The following MLXIPL variants were observed in gnomAD, a reference collection of about 807,000 sequenced individuals.
The protein encoded by MLXIPL is MLX interacting protein like, also known as carbohydrate-responsive element-binding protein.
In MLXIPL, 49 loss-of-function variants were observed where a neutral mutation model predicts 81.5. The ratio of observed to expected loss-of-function variants is 0.60; its 90% confidence interval spans 0.48 to 0.76. The LOEUF (loss-of-function observed/expected upper bound fraction) is 0.76, where lower values mean the gene tolerates loss of function less well. Among genes scored for constraint, MLXIPL ranks in the 30% least tolerant of loss-of-function variants. The pLI is 0.00. For missense variants in MLXIPL, 1,053 were observed against 1,167.0 expected, an observed-to-expected ratio of 0.90 and a Z score of 1.42; for synonymous variants, 466 against 485.5, an observed-to-expected ratio of 0.96 and a Z score of 0.53.
chr7:73,620,140 A>G (rs1314697171), intron 1 of MLXIPL, among the ~76,000 whole-genome samples: 1 of 151,846 alleles, frequency 6.6e-6, no homozygotes, highest in Non-Finnish European at 1.5e-5. Flanking sequence ...GCGGTGGCTC[A>G]CGTCTATAAT....
At position 73,596,350 on chromosome 7, in the gene MLXIPL, G is replaced by T; in HGVS notation, c.1938+14C>A. 1 of 1,613,228 alleles carries T rather than the reference G, an allele frequency of 6.2e-7. No homozygotes were observed. The highest frequency in any genetic ancestry group is 8.5e-7 in the Non-Finnish European group (1 of 1,179,922). On this transcript the variant is annotated intron_variant, in intron 12 of 16. Coordinates refer to ENST00000313375, the MANE Select transcript of MLXIPL (RefSeq NM_032951.3). The surrounding 1 kb of genome is among the most constrained non-coding windows in gnomAD (Gnocchi z 4.7). ...GGGTAGCAAACCGATCTTGGGGTGG[G>T]GGATGGTGCCCACCTTGTTGCTGTC...
At chr7:73,607,565 G>GGCAGGTGT (rs1563496675) in intron 3 of MLXIPL, 25 bp downstream of exon 3, 4 of 1,610,256 alleles carry the variant, frequency 2.5e-6, no homozygotes, top group Non-Finnish European at 3.4e-6. Context: ...TGGGCAGGTG[G>GGCAGGTGT]GCAGGCGGTC....
rs113422833 is a variant in MLXIPL at position 73,605,872 on chromosome 7, C to A, written c.820+38G>T. 3.2e-3 allele frequency: 5,030 copies of A among 1,566,462 alleles called. 154 individuals carry two copies. The African/African-American group carries it at 0.061, about 19-fold the overall frequency. On this transcript the variant is annotated intron_variant, in intron 6 of 16. Coordinates refer to ENST00000313375, the MANE Select transcript of MLXIPL (RefSeq NM_032951.3). ...CCTTGGCCTCCTGGAATCTCACAGG[C>A]CTTCACCCCTCTCCCCTGCCCTTTC...
intron 7 of MLXIPL, among the ~76,000 whole-genome samples, chr7:73,603,153 A>T (rs530624086): frequency 6.9e-6 from 1 of 145,704 alleles, no homozygotes; most frequent in Non-Finnish European, 1.5e-5. Context: ...TTCCAGCCAG[A>T]CCTCCCCAGT....
At chr7:73,644,484 G>A in the MLXIPL span, among the ~76,000 whole-genome samples, 1 of 152,156 alleles carries the variant, frequency 6.6e-6, no homozygotes, top group South Asian at 2.1e-4. Flanking sequence ...TGTTAAAATT[G>A]CAGACACGAG....
Position 73,607,290 on chromosome 7 carries a change from G to A in MLXIPL, c.573+41C>T. ...AGGCGGGCGGTAGCCGGCAGCCGCA[G>A]GAGGAAAGCTCTGGGGCCTCCCTGG... On this transcript the variant is annotated intron_variant, in intron 4 of 16. Coordinates refer to ENST00000313375, the MANE Select transcript of MLXIPL (RefSeq NM_032951.3). 2.0e-6 allele frequency: 3 copies of A among 1,530,030 alleles called. No individual in the cohort carries two copies. The East Asian group carries it at 7.4e-5, about 38-fold the overall frequency. The allele number at this position is 1,530,030 out of a possible 1,614,324, so 94.8% of individuals were successfully genotyped here.
chr7:73,609,271 T>G (rs1795533982), intron 2 of MLXIPL: 1 of 137,646 alleles, frequency 7.3e-6, no homozygotes, highest in Non-Finnish European at 1.6e-5. Flanking sequence ...TGAGATGGCG[T>G]TTCACTCTTG....
chr7:73,606,433 T>C, intron 5 of MLXIPL: 1 of 442,032 alleles, frequency 2.3e-6, no homozygotes, highest in Non-Finnish European at 4.0e-6. Flanking sequence ...TTTTTCTTTT[T>C]TTTTTTTTTG....
chr7:73,624,672 C>G, upstream of MLXIPL: 2 of 1,229,796 alleles, frequency 1.6e-6, no homozygotes, highest in Non-Finnish European at 2.1e-6. Flanking sequence ...GAACCCGGTG[C>G]TCTGGAGCTC....
intron 5 of MLXIPL, chr7:73,606,366 TCTGGGACCC>T (rs1426865951): frequency 5.3e-6 from 3 of 563,728 alleles, no homozygotes; most frequent in Non-Finnish European, 9.4e-6. Context: ...TTTTTTCCTG[TCTGGGACCC>T]CAGTTCTTTG....
At chr7:73,633,916 G>A in the MLXIPL span, among the ~76,000 whole-genome samples, 1 of 152,168 alleles carries the variant, frequency 6.6e-6, no homozygotes. Context: ...GTGCGGGGAC[G>A]AGGGAGATGA....
At chr7:73,595,382 G>A (rs1794191707) in intron 15 of MLXIPL, among the ~76,000 whole-genome samples, 1 of 152,112 alleles carries the variant, frequency 6.6e-6, no homozygotes, top group South Asian at 2.1e-4. Flanking sequence ...GCTTCCTGAG[G>A]TCAGGGCCAA....
At position 73,607,386 on chromosome 7, in the gene MLXIPL, C is replaced by T. The variant is rs1403010158; in HGVS notation, c.518G>A (p.Arg173His). The change falls in exon 4 of 17, where the codon CGC (arginine) becomes CAC (histidine). Residue 173 changes from arginine to histidine, a missense_variant. Physicochemically the swap from Arg to His is conservative, Grantham distance 29. Coordinates refer to ENST00000313375, the MANE Select transcript of MLXIPL (RefSeq NM_032951.3). Reference sequence around the variant, plus strand: ...GTATTCCCGCATCACCACCTCGATGCGCCGCTTCCAGTAGTTCCCCTCCAG... The same window carrying T: ...GTATTCCCGCATCACCACCTCGATGTGCCGCTTCCAGTAGTTCCCCTCCAG... Reference protein sequence around the residue: ...VVLEGNYWKRRIEVVMREYHK... With the variant: ...VVLEGNYWKRHIEVVMREYHK... 4 of 1,563,614 alleles carry T rather than the reference C, an allele frequency of 2.6e-6. No individual in the cohort carries two copies. The highest frequency in any genetic ancestry group is 2.6e-6 in the Non-Finnish European group (3 of 1,153,650).
At position 73,596,941 on chromosome 7, in the gene MLXIPL, G is replaced by GGGCA; in HGVS notation, c.1604-13_1604-10dup. On this transcript the variant is annotated splice_polypyrimidine_tract_variant and intron_variant, in intron 9 of 16. Coordinates refer to ENST00000313375, the MANE Select transcript of MLXIPL (RefSeq NM_032951.3). This position sits in a 1 kb window ranked among gnomAD's most constrained non-coding sequence, Gnocchi z 4.7. ...GGCTTGCTCCGGCTTAGCTGTGCAC[G>GGGCA]GGCAGAACCGTGAGGCTACTGGGGC... 1.0e-5 allele frequency: 16 copies of GGGCA among 1,606,836 alleles called. No individual in the cohort carries two copies. Among genetic ancestry groups the GGGCA allele is most frequent in the Non-Finnish European group, 1.4e-5 (16 of 1,178,368 alleles).
chr7:73,623,863 G>A lies in MLXIPL; in HGVS notation c.293+337C>T, dbSNP rs1371881269. Among the ~76,000 whole-genome samples, 5 of 152,024 alleles carry A rather than the reference G, an allele frequency of 3.3e-5. No homozygotes were observed. Among genetic ancestry groups the A allele is most frequent in the Non-Finnish European group, 7.4e-5 (5 of 68,004 alleles). On this transcript the variant is annotated intron_variant, in intron 1 of 16. Transcript: ENST00000313375. This position sits in a 1 kb window ranked among gnomAD's most constrained non-coding sequence, Gnocchi z 5.7. ...GTGGCCTAGGGACCAGGGGCGCCTG[G>A]CATTTTTGTAGGGACGGAGGGGCTG... is the stretch of plus-strand genomic sequence containing the variant.
chr7:73,641,517 G>A, the MLXIPL span, among the ~76,000 whole-genome samples: 4 of 152,026 alleles, frequency 2.6e-5, no homozygotes, highest in Admixed American at 6.6e-5. Flanking sequence ...CCAATGGTCT[G>A]TCTGTAAAAA....
At chr7:73,607,489 A>T (rs950463832) in intron 3 of MLXIPL, 69 bp from the exon 4 acceptor site, 1 of 1,535,792 alleles carries the variant, frequency 6.5e-7, no homozygotes, top group South Asian at 1.2e-5. Flanking sequence ...CCCACCCTTC[A>T]CCCCATCCCT....
chr7:73,624,151 CCAT>C, intron 1 of MLXIPL, 46 bp downstream of exon 1: 2 of 1,477,254 alleles, frequency 1.4e-6, no homozygotes, highest in Non-Finnish European at 9.1e-7. Context: ...GACCCCCCCC[CCAT>C]CCCCACCTGG....
Position 73,624,147 on chromosome 7 carries a change from C to G in MLXIPL, c.293+53G>C, listed in dbSNP as rs1017263288. The G allele has an allele frequency of 8.2e-5, 120 of 1,457,340 alleles. 2 individuals carry two copies. Among genetic ancestry groups the G allele is most frequent in the Admixed American group, 1.1e-4 (5 of 44,964 alleles). The allele number at this position is 1,457,340 out of a possible 1,614,324, so 90.3% of individuals were successfully genotyped here. On this transcript the variant is annotated intron_variant, in intron 1 of 16. Coordinates refer to ENST00000313375, the MANE Select transcript of MLXIPL (RefSeq NM_032951.3). ...AGCGCGCAGTCCTGCCCCGGACCCC[C>G]CCCCCATCCCCACCTGGAAGCCAAG...
Sources: gnomAD v4.1 joint callset for allele counts (sites outside exome capture counted in the v4.1 genomes callset) on GRCh38, gnomAD v4.1.1 for gene constraint, Gnocchi (gnomAD v3.1) non-coding constraint, MANE v1.5 for transcripts, NCBI Gene and HGNC (gene_info 2026-07-23, HGNC 2026-07-21) for gene names.